The following PNP variants were observed in gnomAD, a reference collection of about 807,000 sequenced individuals.
PNP encodes HEL-S-156an.
In PNP, 18 loss-of-function variants were observed where a neutral mutation model predicts 26.8. The ratio of observed to expected loss-of-function variants is 0.67; its 90% CI spans 0.46 to 1.00. PNP has a LOEUF of 1.00. PNP is among the 50% of genes least tolerant of loss of function. The pLI, the probability that PNP is intolerant of heterozygous loss-of-function variation, is 0.00. For missense variants in PNP, 320 were observed against 362.9 expected (o/e 0.88, Z 0.96); for synonymous variants, 116 against 124.8 (o/e 0.93, Z 0.47).
rs2139339952 is a variant in PNP at position 20,476,560 on chromosome 14, A to G, written c.829A>G (p.Ile277Val). Residue 277 changes from isoleucine (I) to valine (V), a missense_variant, in exon 6 of 6, where the codon ATT becomes GTT. Coordinates refer to ENST00000361505, the MANE Select transcript of PNP (RefSeq NM_000270.4). Reference sequence around the variant, plus strand: ...ACAGAAATTGGAACAGTTTGTCTCCATTCTTATGGCCAGCATTCCACTCCC... The same window carrying G: ...ACAGAAATTGGAACAGTTTGTCTCCGTTCTTATGGCCAGCATTCCACTCCC... ...AAQKLEQFVSILMASIPLPDK... is the reference protein window; with the variant it reads ...AAQKLEQFVSVLMASIPLPDK... 6.2e-7 allele frequency: 1 copy of G among 1,614,202 alleles called. No individual in the cohort carries two copies. Among genetic ancestry groups the G allele is most frequent in the Non-Finnish European group, 8.5e-7 (1 of 1,180,042 alleles).
chr14:20,472,594 G>A lies in PNP; in HGVS notation c.181+117G>A, dbSNP rs149603125. The A allele has an allele frequency of 1.1e-4, 112 of 1,016,680 alleles. No individual in the cohort carries two copies. In the East Asian group the frequency reaches 2.8e-3, roughly 25 times the overall value. 63.0% of individuals were successfully genotyped at this position (1,016,680 alleles called of 1,614,324 possible). On this transcript the variant is annotated intron_variant, in intron 2 of 5. Coordinates refer to ENST00000361505, the MANE Select transcript of PNP (RefSeq NM_000270.4). ...ACCTAGCATTTCACTGAAGACAAAT[G>A]TTGTAAGAGAGGAGAAAAGCCCACC...
At chr14:20,476,289 G>A in intron 5 of PNP, 95 bp from the exon 6 acceptor site, 2 of 1,052,958 alleles carry the variant, frequency 1.9e-6, no homozygotes, top group Non-Finnish European at 3.0e-6. Flanking sequence ...GATGTTTTTT[G>A]AGATTTTTAA....
Position 20,474,754 on chromosome 14 carries a change from C to A in PNP, c.286-19C>A. 1 of 1,612,508 alleles carries A rather than the reference C, an allele frequency of 6.2e-7. No homozygotes were observed. Among genetic ancestry groups the A allele is most frequent in the South Asian group, 1.1e-5 (1 of 90,846 alleles). The stretch of plus-strand genomic sequence containing the variant: ...TTAATGAAATTTTGTAAATTTTTTT[C>A]GGATTGTTTGCTTCGAAGGTGACAT... On this transcript the variant is annotated intron_variant, in intron 3 of 5. Transcript: ENST00000361505.
chr14:20,475,845 T>C (rs924566904), intron 5 of PNP, among the ~76,000 whole-genome samples: 2 of 152,232 alleles, frequency 1.3e-5, no homozygotes, highest in Non-Finnish European at 2.9e-5. Flanking sequence ...TCTGTACCTC[T>C]AGCTGGAAGA....
intron 2 of PNP, 75 bp downstream of exon 2, chr14:20,472,552 A>G (rs1882010669): frequency 1.5e-6 from 2 of 1,372,914 alleles, no homozygotes; most frequent in Non-Finnish European, 2.1e-6. Flanking sequence ...CAAGGAGGCC[A>G]ATGTTTCTAC....
chr14:20,471,137 T>C (rs1881977072), intron 1 of PNP, among the ~76,000 whole-genome samples: 1 of 151,566 alleles, frequency 6.6e-6, no homozygotes, highest in Admixed American at 6.6e-5. Flanking sequence ...TTCACACCAT[T>C]CTACTGCCTC....
intron 3 of PNP, 60 bp from the exon 4 acceptor site, chr14:20,474,713 T>C (rs1882060578): frequency 1.3e-6 from 2 of 1,585,616 alleles, no homozygotes; most frequent in Non-Finnish European, 1.7e-6. Context: ...ATGTCATGCA[T>C]TTCAGTGTAG....
At chr14:20,471,834 G>A (rs1881993563) in intron 1 of PNP, among the ~76,000 whole-genome samples, 1 of 152,140 alleles carries the variant, frequency 6.6e-6, no homozygotes, top group African/African-American at 2.4e-5. Flanking sequence ...GTAATAAGGG[G>A]GATTTTACTA....
chr14:20,470,163 C>T (rs1881958365), intron 1 of PNP, among the ~76,000 whole-genome samples: 1 of 152,190 alleles, frequency 6.6e-6, no homozygotes, highest in African/African-American at 2.4e-5. Flanking sequence ...ACTCTTCTCT[C>T]GGCTTGGGTC....
intron 2 of PNP, 88 bp from the exon 3 acceptor site, chr14:20,474,384 A>C (rs1882050982): frequency 9.3e-7 from 1 of 1,079,000 alleles, no homozygotes; most frequent in Non-Finnish European, 1.4e-6. Context: ...CATTTTGAGC[A>C]GAGCGAGTAA....
chr14:20,474,719 T>A, intron 3 of PNP, 54 bp from the exon 4 acceptor site: 1 of 1,588,032 alleles, frequency 6.3e-7, no homozygotes, highest in Non-Finnish European at 8.6e-7. Context: ...TGCATTTCAG[T>A]GTAGCTGAAT....
intron 2 of PNP, 43 bp from the exon 3 acceptor site, chr14:20,474,429 G>A (rs771467251): frequency 2.6e-6 from 4 of 1,531,964 alleles, no homozygotes; most frequent in Non-Finnish European, 3.6e-6. Flanking sequence ...TGTGTTGCAT[G>A]AAAATATAAT....
At position 20,476,466 on chromosome 14, in the gene PNP, C is replaced by A. The variant is rs753438749; in HGVS notation, c.735C>A (p.Val245=). 6.2e-7 allele frequency: 1 copy of A among 1,614,144 alleles called. No homozygotes were observed. Among genetic ancestry groups the A allele is most frequent in the Non-Finnish European group, 8.5e-7 (1 of 1,180,000 alleles). Residue 245 remains valine, a synonymous_variant, in exon 6 of 6, where the codon GTC becomes GTA. Transcript: ENST00000361505. The stretch of plus-strand genomic sequence containing the variant: ...GCTTCTCACTCATCACTAACAAGGT[C>A]ATCATGGATTATGAAAGCCTGGAGA... ...VFGFSLITNK[V]IMDYESLEKA...
rs1272662167 is a variant in PNP at position 20,472,383 on chromosome 14, A to G, written c.87A>G (p.Ile29Met). The G allele has an allele frequency of 3.1e-6, 5 of 1,613,850 alleles. No homozygotes were observed. The highest frequency in any genetic ancestry group is 4.2e-6 in the Non-Finnish European group (5 of 1,179,812). ...CTAAGCACCGACCTCAAGTTGCAAT[A>G]ATCTGTGGTTCTGGATTAGGAGGTC... ...SHTKHRPQVAIICGSGLGGLT... is the reference protein window; with the variant it reads ...SHTKHRPQVAMICGSGLGGLT... Residue 29 changes from isoleucine (I) to methionine (M), a missense_variant, in exon 2 of 6, where the codon ATA becomes ATG. Physicochemically the swap from Ile to Met is conservative, Grantham distance 10. Transcript: ENST00000361505.
intron 5 of PNP, 40 bp downstream of exon 5, chr14:20,475,292 G>A: frequency 6.3e-7 from 1 of 1,579,010 alleles, no homozygotes; most frequent in Non-Finnish European, 8.7e-7. Flanking sequence ...AAGAGGGAGG[G>A]GTTTAGCAAA....
Position 20,476,643 on chromosome 14 carries a change from G to C in PNP, c.*42G>C, listed in dbSNP as rs1201723475. On this transcript the variant is annotated 3_prime_UTR_variant, in exon 6 of 6. Transcript: ENST00000361505. ...CTGGCATCTCCCACACAAGACCCAA[G>C]TAGCTGCTACCTTCTTTGGCCCCTT... The C allele has an allele frequency of 2.0e-6, 3 of 1,519,242 alleles. No individual in the cohort carries two copies. In the African/African-American group the frequency reaches 4.1e-5, roughly 21 times the overall value. The allele number at this position is 1,519,242 out of a possible 1,614,324, so 94.1% of individuals were successfully genotyped here.
At position 20,476,753 on chromosome 14, in the gene PNP, ACCCT is replaced by A; in HGVS notation, c.*153_*156del. 1.4e-6 allele frequency: 1 copy of A among 710,514 alleles called. No individual in the cohort carries two copies. Among genetic ancestry groups the A allele is most frequent in the Non-Finnish European group, 2.5e-6 (1 of 395,566 alleles). The allele number at this position is 710,514 out of a possible 1,614,324, so 44.0% of individuals were successfully genotyped here. ...CACCTTTCCCACTTTCTTCTACCAGACCCTTCTGGTGCCAGATCCTCTTCTCAAA... is the reference window on the plus strand; with the variant it reads ...CACCTTTCCCACTTTCTTCTACCAGATCTGGTGCCAGATCCTCTTCTCAAA... On this transcript the variant is annotated 3_prime_UTR_variant, in exon 6 of 6. Coordinates refer to ENST00000361505, the MANE Select transcript of PNP (RefSeq NM_000270.4).
Position 20,476,701 on chromosome 14 carries a change from A to G in PNP, c.*100A>G, listed in dbSNP as rs772541140. On this transcript the variant is annotated 3_prime_UTR_variant, in exon 6 of 6. Transcript: ENST00000361505. ...TCATGTGCCTCTGTCCTTAGGTTGT[A>G]GCAGAAAGGAAAAGATTCCTGTCCT... 19 of 920,578 alleles carry G rather than the reference A, an allele frequency of 2.1e-5. No homozygotes were observed. Among genetic ancestry groups the G allele is most frequent in the Non-Finnish European group, 3.2e-5 (18 of 568,782 alleles). 57.0% of individuals were successfully genotyped at this position (920,578 alleles called of 1,614,324 possible).
Position 20,475,153 on chromosome 14 carries a change from C to T in PNP, c.553C>T (p.Arg185Cys), listed in dbSNP as rs373569964. 2.6e-5 allele frequency: 42 copies of T among 1,614,066 alleles called. No homozygotes were observed. Among genetic ancestry groups the T allele is most frequent in the Middle Eastern group, 1.6e-4 (1 of 6,084 alleles). Residue 185 changes from arginine (R) to cysteine (C), a missense_variant, in exon 5 of 6, where the codon CGT (arginine) becomes TGT (cysteine). By Grantham distance (180) the Arg-to-Cys change is radical. Coordinates refer to ENST00000361505, the MANE Select transcript of PNP (RefSeq NM_000270.4). ...LSTWKQMGEQ[R>C]ELQEGTYVMV... Reference sequence around the variant, plus strand: ...TACCTGGAAACAAATGGGGGAGCAACGTGAGCTACAGGAAGGCACCTATGT... The same window carrying T: ...TACCTGGAAACAAATGGGGGAGCAATGTGAGCTACAGGAAGGCACCTATGT...
Sources: allele counts gnomAD v4.1 joint callset (sites outside exome capture counted in the v4.1 genomes callset), GRCh38; gene constraint gnomAD v4.1.1; transcripts MANE v1.5; gene names NCBI Gene and HGNC (gene_info 2026-07-23, HGNC 2026-07-21).